Variants in ARID1B observed in about 807,000 individuals in gnomAD.
ARID1B encodes AT-rich interactive domain-containing protein 1B.
A neutral mutation model predicts 212.3 loss-of-function variants in ARID1B; 30 were observed. The ratio of observed to expected loss-of-function variants is 0.14; its 90% confidence interval spans 0.11 to 0.19. The LOEUF is 0.19. Among genes scored for constraint, ARID1B ranks in the 10% least tolerant of loss-of-function variants. The pLI is 1.00. For missense variants in ARID1B, 2,891 were observed against 3,204.0 expected, an observed-to-expected ratio of 0.90 and a Z score of 2.36; for synonymous variants, 1,402 against 1,301.7, an observed-to-expected ratio of 1.08 and a Z score of -1.66.
At chr6:156,897,203 GCTGCTGCTGCTGCTGCTTCTT>G (rs1244933584) in intron 2 of ARID1B, among the ~76,000 whole-genome samples, 5 of 74,678 alleles carry the variant, frequency 6.7e-5, no homozygotes, top group African/African-American at 2.5e-4. Context: ...TGCTGCTGCT[GCTGCTGCTGCTGCTGCTTCTT>G]CTTCTTCTTC....
intron 19 of ARID1B, 30 bp downstream of exon 19, chr6:157,204,026 A>G: frequency 1.2e-6 from 2 of 1,613,080 alleles, no homozygotes; most frequent in East Asian, 2.2e-5. Flanking sequence ...CTAACAACCA[A>G]ATTAGGATAG....
intron 2 of ARID1B, among the ~76,000 whole-genome samples, chr6:156,888,176 A>G (rs933240113): frequency 3.9e-5 from 6 of 152,214 alleles, no homozygotes; most frequent in Non-Finnish European, 5.9e-5. Context: ...AGCTGGGTTT[A>G]TATAGGAAAG....
At chr6:156,974,966 T>C (rs562101533) in intron 4 of ARID1B, among the ~76,000 whole-genome samples, 7 of 152,294 alleles carry the variant, frequency 4.6e-5, no homozygotes, top group African/African-American at 1.7e-4. Flanking sequence ...TCAGCTATTT[T>C]GAATAGTTCT....
At chr6:157,063,830 A>G (rs1450442353) in intron 4 of ARID1B, among the ~76,000 whole-genome samples, 1 of 152,146 alleles carries the variant, frequency 6.6e-6, no homozygotes, top group Non-Finnish European at 1.5e-5. Context: ...AATGTCTTTA[A>G]GACCAAGATC....
chr6:157,120,814 T>C (rs138578939), intron 6 of ARID1B, among the ~76,000 whole-genome samples: 1 of 152,376 alleles, frequency 6.6e-6, no homozygotes, highest in East Asian at 1.9e-4. Flanking sequence ...TCTGTTGCCT[T>C]GGACGTCTTG....
intron 4 of ARID1B, among the ~76,000 whole-genome samples, chr6:156,979,195 G>C (rs1472379847): frequency 6.6e-6 from 1 of 152,140 alleles, no homozygotes; most frequent in African/African-American, 2.4e-5. Context: ...AGTTGACAAG[G>C]ATCTCAACCT....
chr6:157,043,758 C>T (rs1289523218), intron 4 of ARID1B, among the ~76,000 whole-genome samples: 2 of 152,152 alleles, frequency 1.3e-5, no homozygotes, highest in African/African-American at 4.8e-5. Context: ...CCTATTTAAG[C>T]TCTGTAATGC....
chr6:156,795,078 G>A (rs554738620), intron 1 of ARID1B, among the ~76,000 whole-genome samples: 5 of 149,870 alleles, frequency 3.3e-5, no homozygotes, highest in East Asian at 1.9e-4. Flanking sequence ...CCCTACCACC[G>A]TCTGGGTCAT....
At chr6:157,128,341 C>T (rs548453971) in intron 6 of ARID1B, among the ~76,000 whole-genome samples, 5 of 152,274 alleles carry the variant, frequency 3.3e-5, no homozygotes, top group South Asian at 2.1e-4. Context: ...TGTAACCTTT[C>T]TCTTCCTCTT....
At chr6:156,848,543 A>G (rs58609565) in intron 2 of ARID1B, among the ~76,000 whole-genome samples, 3,179 of 152,314 alleles carry the variant, frequency 0.021, 126 homozygotes, top group African/African-American at 0.073. Context: ...CACGATTAGA[A>G]CACCCATTAG....
At chr6:157,057,937 T>C (rs1783072506) in intron 4 of ARID1B, among the ~76,000 whole-genome samples, 1 of 152,202 alleles carries the variant, frequency 6.6e-6, no homozygotes, top group South Asian at 2.1e-4. Context: ...ACATGAAAAT[T>C]ACTAGTTAAT....
At chr6:156,865,644 A>G (rs1785632814) in intron 2 of ARID1B, among the ~76,000 whole-genome samples, 1 of 151,946 alleles carries the variant, frequency 6.6e-6, no homozygotes, top group Admixed American at 6.5e-5. Context: ...CTCTTTCTAG[A>G]ACTCATCATC....
chr6:157,066,756 T>C (rs1043747993), intron 4 of ARID1B, among the ~76,000 whole-genome samples: 3 of 152,234 alleles, frequency 2.0e-5, no homozygotes, highest in Non-Finnish European at 4.4e-5. Context: ...ATACTTGTTT[T>C]GCTAGGAGAG....
chr6:156,903,844 C>T (rs1789142514), intron 3 of ARID1B, among the ~76,000 whole-genome samples: 2 of 152,088 alleles, frequency 1.3e-5, no homozygotes, highest in African/African-American at 2.4e-5. Context: ...TTTATGTAAT[C>T]TCTTGCTTTT....
chr6:157,039,616 A>ACCTACCTTCCTTCCTT lies in ARID1B; in HGVS notation c.2248-45043_2248-45042insACCTTCCTTCCTTCCT, dbSNP rs1562568901. On this transcript the variant is annotated intron_variant, in intron 4 of 19. Coordinates refer to ENST00000636930, the MANE Select transcript of ARID1B (RefSeq NM_001374828.1). ...TATTTTTGAATTCCAAAAGCTACCT[A>ACCTACCTTCCTTCCTT]CCTTCCTTCCTTCCTTCCTTCCTTC... Among the ~76,000 whole-genome samples the ACCTACCTTCCTTCCTT allele has an allele frequency of 2.4e-5, 3 of 123,212 alleles. No homozygotes were observed. The East Asian group carries it at 7.7e-4, about 31-fold the overall frequency. 80.8% of individuals were successfully genotyped at this position (123,212 alleles called of 152,430 possible).
At chr6:156,911,282 A>G (rs1467151004) in intron 3 of ARID1B, among the ~76,000 whole-genome samples, 2 of 151,704 alleles carry the variant, frequency 1.3e-5, no homozygotes, top group Admixed American at 6.6e-5. Flanking sequence ...GATTTTAAGA[A>G]CACCTTGTTC....
At chr6:157,051,104 C>T (rs1782574461) in intron 4 of ARID1B, among the ~76,000 whole-genome samples, 1 of 152,162 alleles carries the variant, frequency 6.6e-6, no homozygotes, top group African/African-American at 2.4e-5. Context: ...GATTATTCTG[C>T]TGCACTGTAA....
rs184847584 is a variant in ARID1B at position 157,122,256 on chromosome 6, G to A, written c.2582-10772G>A. ...GAAGTAGCGTTTTTCCTAGACTTAC[G>A]CGAACACTGCTTACATTGCCATGTA... On this transcript the variant is annotated intron_variant, in intron 6 of 19. Coordinates refer to ENST00000636930, the MANE Select transcript of ARID1B (RefSeq NM_001374828.1). Among the ~76,000 whole-genome samples the A allele has an allele frequency of 3.0e-3, 458 of 152,188 alleles. 1 individual carries two copies. The highest frequency in any genetic ancestry group is 4.9e-3 in the Non-Finnish European group (332 of 68,008).
intron 3 of ARID1B, among the ~76,000 whole-genome samples, chr6:156,917,765 C>A (rs1194374146): frequency 6.6e-6 from 1 of 152,130 alleles, no homozygotes. Context: ...TGTTCAATAT[C>A]ATTTAAAACA....
Sources: gnomAD v4.1 joint callset for allele counts (sites outside exome capture counted in the v4.1 genomes callset) on GRCh38, gnomAD v4.1.1 for gene constraint, MANE v1.5 for transcripts, NCBI Gene and HGNC (gene_info 2026-07-23, HGNC 2026-07-21) for gene names.